C16orf87: variants seen among roughly 807,000 people sequenced by gnomAD.
C16orf87 encodes UPF0547 protein C16orf87.
Under a neutral mutation model 21.0 loss-of-function variants are expected in C16orf87, and 13 were observed. The ratio of observed to expected loss-of-function variants is 0.62; its 90% CI spans 0.40 to 0.98. The LOEUF is 0.98. C16orf87 is among the 50% of genes least tolerant of loss of function. C16orf87 has a pLI of 0.00. For missense variants in C16orf87, 113 were observed against 180.4 expected (o/e 0.63, Z 2.14); for synonymous variants, 49 against 60.2 (o/e 0.81, Z 0.86).
At chr16:46,806,889 T>C (rs946337717) in intron 3 of C16orf87, among the ~76,000 whole-genome samples, 1 of 152,246 alleles carries the variant, frequency 6.6e-6, no homozygotes, top group Admixed American at 6.5e-5. Flanking sequence ...TTGTCAGGTT[T>C]TCCTTAATTC....
At chr16:46,807,765 C>T (rs1967971967) in intron 3 of C16orf87, among the ~76,000 whole-genome samples, 1 of 152,196 alleles carries the variant, frequency 6.6e-6, no homozygotes, top group African/African-American at 2.4e-5. Flanking sequence ...ATATCTTACT[C>T]TAGAAATAGC....
chr16:46,817,916 C>CAAAAAAAAAAAAAA, intron 2 of C16orf87, among the ~76,000 whole-genome samples: 2 of 68,284 alleles, frequency 2.9e-5, no homozygotes, highest in Non-Finnish European at 5.2e-5. Context: ...CATCAAAAAG[C>CAAAAAAAAAAAAAA]AAAAAAAAAA....
At position 46,797,330 on chromosome 16, in the gene C16orf87, A is replaced by T. The variant is rs972834881; in HGVS notation, c.*5622T>A. ...GATAGTTGTAAGGAAAAAATACATT[A>T]TCTGATGAGTCTTATTTTTTATTTT... On this transcript the variant is annotated 3_prime_UTR_variant, in exon 4 of 4. Transcript: ENST00000285697. 3 of 152,168 alleles carry T rather than the reference A, an allele frequency of 2.0e-5. No homozygotes were observed. Among genetic ancestry groups the T allele is most frequent in the African/African-American group, 7.2e-5 (3 of 41,430 alleles). The allele number at this position is 152,168 out of a possible 1,614,324, so 9.4% of individuals were successfully genotyped here.
chr16:46,810,883 A>C (rs1968060475), intron 2 of C16orf87, among the ~76,000 whole-genome samples: 1 of 152,226 alleles, frequency 6.6e-6, no homozygotes, highest in Admixed American at 6.5e-5. Context: ...CATCAATAAA[A>C]ATAGTAACTG....
chr16:46,817,916 C>CAAAAAAAAAAAAAAAAAAAAAAAA (rs1056745014), intron 2 of C16orf87, among the ~76,000 whole-genome samples: 1 of 68,282 alleles, frequency 1.5e-5, no homozygotes, highest in Non-Finnish European at 2.6e-5. Flanking sequence ...CATCAAAAAG[C>CAAAAAAAAAAAAAAAAAAAAAAAA]AAAAAAAAAA....
At chr16:46,826,029 T>C (rs547787445) in intron 1 of C16orf87, among the ~76,000 whole-genome samples, 4 of 152,018 alleles carry the variant, frequency 2.6e-5, no homozygotes, top group African/African-American at 9.6e-5. Flanking sequence ...TATGCTGACA[T>C]AAAAAAAGAG....
At chr16:46,815,584 A>G (rs925603934) in intron 2 of C16orf87, among the ~76,000 whole-genome samples, 10 of 152,168 alleles carry the variant, frequency 6.6e-5, no homozygotes, top group Admixed American at 2.6e-4. Flanking sequence ...TGGGCAGAAG[A>G]CTTGAATAGG....
At chr16:46,830,983 G>C (rs1384186610) in intron 1 of C16orf87, 101 bp downstream of exon 1, 1 of 865,178 alleles carries the variant, frequency 1.2e-6, no homozygotes, top group Non-Finnish European at 1.7e-6. Context: ...CCCAGGATCT[G>C]CCCACCGCTC....
At chr16:46,831,014 G>A in intron 1 of C16orf87, 70 bp downstream of exon 1, 1 of 1,284,808 alleles carries the variant, frequency 7.8e-7, no homozygotes, top group Admixed American at 2.3e-5. Flanking sequence ...AGCCCGGCGA[G>A]GCCCCCCTCC....
intron 1 of C16orf87, chr16:46,830,782 C>T (rs1959825847): frequency 3.6e-6 from 1 of 277,400 alleles, no homozygotes; most frequent in South Asian, 1.5e-4. Context: ...CGAGGAGAGT[C>T]TGGGGCTCCA....
rs1384285257 is a variant in C16orf87 at position 46,801,048 on chromosome 16, G to A, written c.*1904C>T. On this transcript the variant is annotated 3_prime_UTR_variant, in exon 4 of 4. Transcript: ENST00000285697. ...GACATCGATAATTCCTTAAAGACGT[G>A]CTTATTCCACAAGCTGTTCTTGCTT... 6.6e-6 allele frequency: 1 copy of A among 150,934 alleles called. No homozygotes were observed. The highest frequency in any genetic ancestry group is 1.5e-5 in the Non-Finnish European group (1 of 67,306). The allele number at this position is 150,934 out of a possible 1,614,324, so 9.3% of individuals were successfully genotyped here.
rs768536755 is a variant in C16orf87 at position 46,824,436 on chromosome 16, C to T, written c.113G>A (p.Ser38Asn). The T allele has an allele frequency of 1.3e-6, 2 of 1,584,804 alleles. No homozygotes were observed. The highest frequency in any genetic ancestry group is 2.3e-5 in the East Asian group (1 of 43,904). ...KSCPCGYIFI[S>N]RKLLNAKHSE... ...GTGTTTTGCATTTAAAAGTTTTCTGCTAATAAATATGTAACCACAAGGACA... is the reference window on the plus strand; with the variant it reads ...GTGTTTTGCATTTAAAAGTTTTCTGTTAATAAATATGTAACCACAAGGACA... Residue 38 changes from serine (S) to asparagine (N), a missense_variant, in exon 2 of 4, where the codon AGC becomes AAC. Ser to Asn is a conservative substitution (Grantham distance 46). Coordinates refer to ENST00000285697, the MANE Select transcript of C16orf87 (RefSeq NM_001001436.4).
rs1054803177 is a variant in C16orf87, at chr16:46,828,111, G to A, written c.66+2973C>T. On this transcript the variant is annotated intron_variant, in intron 1 of 3. Transcript: ENST00000285697. ...GCCACCACACCCAGCTAATTTTTTAGTAGAGACAGGGTTTCACCGTGTTAG... is the reference window on the plus strand; with the variant it reads ...GCCACCACACCCAGCTAATTTTTTAATAGAGACAGGGTTTCACCGTGTTAG... Among the ~76,000 whole-genome samples the A allele has an allele frequency of 4.0e-5, 6 of 151,640 alleles. No individual in the cohort carries two copies. The East Asian group carries it at 9.7e-4, about 25-fold the overall frequency.
In C16orf87 at chr16:46,819,395, C is replaced by T. The variant is rs528398249; in HGVS notation, c.163+4991G>A. On this transcript the variant is annotated intron_variant, in intron 2 of 3. Coordinates refer to ENST00000285697, the MANE Select transcript of C16orf87 (RefSeq NM_001001436.4). ...GACCTTGTGCCCAGCCTGTAACCTC[C>T]GCCTCACTGGTTCAAGTGATTCTCC... 2.6e-5 allele frequency among the ~76,000 whole-genome samples: 4 copies of T among 152,000 alleles called. No homozygotes were observed. The South Asian group carries it at 8.3e-4, about 32-fold the overall frequency.
In C16orf87 at chr16:46,809,927, A is replaced by G. The variant is rs1022265213; in HGVS notation, c.164-142T>C. 5 of 542,284 alleles carry G rather than the reference A, an allele frequency of 9.2e-6. No homozygotes were observed. The Admixed American group carries it at 1.7e-4, about 19-fold the overall frequency. The allele number at this position is 542,284 out of a possible 1,614,324, so 33.6% of individuals were successfully genotyped here. ...TCATAGAACTACAACCATAACATATATGTCTCCCCCACACCCTCATAAGAA... is the reference window on the plus strand; with the variant it reads ...TCATAGAACTACAACCATAACATATGTGTCTCCCCCACACCCTCATAAGAA... On this transcript the variant is annotated intron_variant, in intron 2 of 3. Coordinates refer to ENST00000285697, the MANE Select transcript of C16orf87 (RefSeq NM_001001436.4).
chr16:46,827,589 C>CT (rs954837604), intron 1 of C16orf87, among the ~76,000 whole-genome samples: 25 of 149,006 alleles, frequency 1.7e-4, no homozygotes, highest in African/African-American at 3.9e-4. Flanking sequence ...ATTTATTTAT[C>CT]TTTTTTTTTT....
At position 46,799,127 on chromosome 16, in the gene C16orf87, TCCAGA is replaced by T; in HGVS notation, c.*3820_*3824del. ...ACTGGGGTAAAAAGAATTATTCTAT[TCCAGA>T]CTCTGTTATATGTCTCATACTTTTA... is the stretch of plus-strand genomic sequence containing the variant. On this transcript the variant is annotated 3_prime_UTR_variant, in exon 4 of 4. Transcript: ENST00000285697. 1.3e-5 allele frequency: 2 copies of T among 152,312 alleles called. No individual in the cohort carries two copies. Among genetic ancestry groups the T allele is most frequent in the Middle Eastern group, 6.8e-3 (2 of 294 alleles). The allele number at this position is 152,312 out of a possible 1,614,324, so 9.4% of individuals were successfully genotyped here.
Position 46,809,738 on chromosome 16 carries a change from C to G in C16orf87, c.211G>C (p.Glu71Gln). ...TTATTTACTGTAGAATTTATCTTCT[C>G]TCTCCTAACTCTCTCTGTTCGCCTC... The part of the protein sequence containing the change: ...KRRRTERVRR[E>Q]KINSTVNKDL... Residue 71 changes from glutamate (E) to glutamine (Q), a missense_variant, in exon 3 of 4, where the codon GAG (glutamate) becomes CAG (glutamine). By Grantham distance (29) the Glu-to-Gln change is conservative (BLOSUM62 2). Transcript: ENST00000285697. 1.2e-6 allele frequency: 2 copies of G among 1,609,414 alleles called. No homozygotes were observed. The highest frequency in any genetic ancestry group is 1.7e-6 in the Non-Finnish European group (2 of 1,176,296).
intron 2 of C16orf87, among the ~76,000 whole-genome samples, chr16:46,819,894 A>T (rs1278266072): frequency 1.3e-5 from 2 of 152,044 alleles, no homozygotes; most frequent in Non-Finnish European, 2.9e-5. Context: ...GAATGGGTTG[A>T]ATCCAGGAGG....
Sources: gnomAD v4.1 joint callset for allele counts (sites outside exome capture counted in the v4.1 genomes callset) on GRCh38, gnomAD v4.1.1 for gene constraint, MANE v1.5 for transcripts, NCBI Gene and HGNC (gene_info 2026-07-23, HGNC 2026-07-21) for gene names.